The following FRAS1 variants were observed in gnomAD, a reference collection of about 807,000 sequenced individuals.
The protein encoded by FRAS1 is Fraser extracellular matrix complex subunit 1, also known as extracellular matrix organizing protein FRAS1.
A neutral mutation model predicts 435.2 loss-of-function variants in FRAS1; 290 were observed. The observed-to-expected ratio is 0.67, with a 90% confidence interval of 0.61 to 0.73. The LOEUF (loss-of-function observed/expected upper bound fraction) is 0.73, where lower values mean the gene tolerates loss of function less well. FRAS1 is among the 30% of genes least tolerant of loss of function. FRAS1 has a pLI of 0.00. For synonymous variants in FRAS1, 1,800 were observed against 1,851.0 expected (o/e 0.97, Z 0.71); for missense variants, 4,860 against 5,001.5 (o/e 0.97, Z 0.85).
intron 6 of FRAS1, among the ~76,000 whole-genome samples, chr4:78,260,803 C>T (rs924915738): frequency 1.3e-5 from 2 of 152,140 alleles, no homozygotes; most frequent in Non-Finnish European, 2.9e-5. Flanking sequence ...GGAATGCTTC[C>T]AGTTTTTGCC....
At chr4:78,463,976 G>A (rs187225004) in intron 47 of FRAS1, 45 bp from the exon 48 acceptor site, 3 of 1,607,878 alleles carry the variant, frequency 1.9e-6, no homozygotes, top group African/African-American at 1.3e-5. Context: ...TATATGGCTA[G>A]CATTTTAATA....
intron 2 of FRAS1, among the ~76,000 whole-genome samples, chr4:78,081,951 C>T (rs1048110473): frequency 7.2e-5 from 11 of 152,088 alleles, no homozygotes; most frequent in African/African-American, 2.7e-4. Context: ...TAAGTCTGTG[C>T]TCTTCTTGTT....
intron 2 of FRAS1, among the ~76,000 whole-genome samples, chr4:78,099,225 A>T (rs1233381502): frequency 6.6e-6 from 1 of 152,172 alleles, no homozygotes; most frequent in Non-Finnish European, 1.5e-5. Flanking sequence ...TGACCTCTGT[A>T]ACTTATTTTT....
At chr4:78,442,627 A>C (rs1734702968) in intron 41 of FRAS1, among the ~76,000 whole-genome samples, 1 of 152,212 alleles carries the variant, frequency 6.6e-6, no homozygotes, top group Non-Finnish European at 1.5e-5. Context: ...CCTGGAATAC[A>C]TGGAGGTGCA....
At chr4:78,325,168 T>C (rs958194995) in intron 18 of FRAS1, among the ~76,000 whole-genome samples, 1 of 152,180 alleles carries the variant, frequency 6.6e-6, no homozygotes, top group African/African-American at 2.4e-5. Context: ...TCAGGGGAAT[T>C]TCAGCAACTA....
intron 19 of FRAS1, among the ~76,000 whole-genome samples, chr4:78,333,927 A>G (rs938628427): frequency 6.6e-6 from 1 of 151,778 alleles, no homozygotes; most frequent in Non-Finnish European, 1.5e-5. Context: ...CCTCAGCCTC[A>G]TGAGTAGCTG....
At chr4:78,463,354 T>C (rs1446320268) in intron 47 of FRAS1, among the ~76,000 whole-genome samples, 1 of 152,208 alleles carries the variant, frequency 6.6e-6, no homozygotes, top group African/African-American at 2.4e-5. Flanking sequence ...TCTATTATGT[T>C]ATTAAAGGAT....
At chr4:78,329,594 A>G (rs1729859523) in intron 18 of FRAS1, among the ~76,000 whole-genome samples, 1 of 152,240 alleles carries the variant, frequency 6.6e-6, no homozygotes, top group South Asian at 2.1e-4. Flanking sequence ...ATGATTTAAG[A>G]CAGTCTGTTA....
intron 33 of FRAS1, 128 bp from the exon 34 acceptor site, chr4:78,421,735 C>A: frequency 9.3e-7 from 1 of 1,078,672 alleles, no homozygotes; most frequent in Non-Finnish European, 1.4e-6. Flanking sequence ...CCAAGAGCAA[C>A]CTGAGAACAG....
Position 78,472,200 on chromosome 4 carries a change from G to C in FRAS1, c.7392G>C (p.Lys2464Asn), listed in dbSNP as rs1560746920. The change falls in exon 52 of 74, where the codon AAG (lysine) becomes AAC (asparagine). Residue 2464 changes from lysine to asparagine, a missense_variant. Coordinates refer to ENST00000512123, the MANE Select transcript of FRAS1 (RefSeq NM_025074.7). ...MDGKATNLITKKELLTMDPDT... is the reference protein window; with the variant it reads ...MDGKATNLITNKELLTMDPDT... ...TCTAGGCAACCAACCTGATCACCAA[G>C]AAGGAACTGCTGACCATGGACCCAG... 6.2e-7 allele frequency: 1 copy of C among 1,613,914 alleles called. No homozygotes were observed. The highest frequency in any genetic ancestry group is 1.1e-5 in the South Asian group (1 of 91,064).
intron 2 of FRAS1, among the ~76,000 whole-genome samples, chr4:78,095,762 C>T (rs1741772341): frequency 6.6e-6 from 1 of 152,186 alleles, no homozygotes; most frequent in African/African-American, 2.4e-5. Context: ...GAAAGACCTG[C>T]CCCCATGATT....
chr4:78,394,983 T>G (rs1732599126), intron 29 of FRAS1, among the ~76,000 whole-genome samples: 1 of 152,040 alleles, frequency 6.6e-6, no homozygotes, highest in Non-Finnish European at 1.5e-5. Flanking sequence ...AAGATTGCTT[T>G]CTTTAATTTG....
chr4:78,308,101 A>T lies in FRAS1; in HGVS notation c.1570A>T (p.Thr524Ser). Residue 524 changes from threonine (T) to serine (S), a missense_variant, in exon 15 of 74, where the codon ACG becomes TCG. Physicochemically the swap from Thr to Ser is moderately conservative, Grantham distance 58. Transcript: ENST00000512123. ...GTCCTGTGCAGGTTGCTGGGGCCCA[A>T]CGGAGAAGCACTGCTTGGCCTGCAG... ...HESCAGCWGPTEKHCLACRDP... is the reference protein window; with the variant it reads ...HESCAGCWGPSEKHCLACRDP... The T allele has an allele frequency of 6.2e-7, 1 of 1,613,700 alleles. No individual in the cohort carries two copies. Among genetic ancestry groups the T allele is most frequent in the African/African-American group, 1.3e-5 (1 of 75,030 alleles).
intron 6 of FRAS1, among the ~76,000 whole-genome samples, chr4:78,260,868 T>C (rs146958956): frequency 2.0e-5 from 3 of 152,322 alleles, no homozygotes; most frequent in Middle Eastern, 3.4e-3. Context: ...TTCAAACGTC[T>C]TTCAGAATAT....
chr4:78,194,007 A>G (rs1229207245), intron 2 of FRAS1, among the ~76,000 whole-genome samples: 1 of 152,028 alleles, frequency 6.6e-6, no homozygotes, highest in Admixed American at 6.5e-5. Flanking sequence ...TCTCTAAAGG[A>G]TTTTATTTCT....
intron 2 of FRAS1, chr4:78,181,496 C>G (rs1721997571): frequency 3.1e-6 from 5 of 1,611,710 alleles, no homozygotes; most frequent in Non-Finnish European, 4.2e-6. Context: ...AGAATCAAAT[C>G]CATCTCCTCG....
chr4:78,427,225 A>C (rs1734032953), intron 35 of FRAS1, among the ~76,000 whole-genome samples: 1 of 152,198 alleles, frequency 6.6e-6, no homozygotes, highest in Non-Finnish European at 1.5e-5. Flanking sequence ...CAAGAGACTT[A>C]AAATCACAAG....
chr4:78,133,963 TTTG>T lies in FRAS1; in HGVS notation c.108+67950_108+67952del, dbSNP rs1439816214. On this transcript the variant is annotated intron_variant, in intron 2 of 73. Transcript: ENST00000512123. ...GCTGAGATGGACTAGGTTTTTTTTTTTTGTTTTTTTTTTTGAGATGGACTCTCG... is the reference window on the plus strand; with the variant it reads ...GCTGAGATGGACTAGGTTTTTTTTTTTTTTTTTTTTTGAGATGGACTCTCG... Among the ~76,000 whole-genome samples, 10 of 105,398 alleles carry T rather than the reference TTTG, an allele frequency of 9.5e-5. 1 individual carries two copies. The highest frequency in any genetic ancestry group is 1.1e-4 in the Non-Finnish European group (5 of 44,640). The allele number at this position is 105,398 out of a possible 152,430, so 69.1% of individuals were successfully genotyped here.
At chr4:78,434,124 G>T (rs1312472394) in intron 38 of FRAS1, among the ~76,000 whole-genome samples, 1 of 152,198 alleles carries the variant, frequency 6.6e-6, no homozygotes, top group Non-Finnish European at 1.5e-5. Context: ...CATGTAGAAA[G>T]ATTGGAAAAG....
Sources: gnomAD v4.1 joint callset for allele counts (sites outside exome capture counted in the v4.1 genomes callset) on GRCh38, gnomAD v4.1.1 for gene constraint, MANE v1.5 for transcripts, NCBI Gene and HGNC (gene_info 2026-07-23, HGNC 2026-07-21) for gene names.